The following PDGFRL variants were observed in gnomAD, a reference collection of about 807,000 sequenced individuals.
PDGFRL encodes platelet-derived growth factor receptor-like protein.
PDGFRL carries 46 observed loss-of-function variants against 37.2 expected under a neutral mutation model. The observed-to-expected ratio is 1.24, with a 90% CI of 0.98 to 1.58. PDGFRL has a LOEUF of 1.58. PDGFRL is among the 40% of genes most tolerant of loss of function. The pLI is 0.00. For synonymous variants in PDGFRL, 251 were observed against 184.3 expected (o/e 1.36, Z -2.93); for missense variants, 692 against 467.6 (o/e 1.48, Z -4.43).
In PDGFRL at chr8:17,642,253, T is replaced by C. The variant is rs113690158; in HGVS notation, c.940-360T>C. The stretch of plus-strand genomic sequence containing the variant: ...GAACCACTTAGCTAGGAAAAGAAAG[T>C]GGGCAATGTGAAGAACGGGGCCAGT... On this transcript the variant is annotated intron_variant, in intron 5 of 5. Coordinates refer to ENST00000251630, the MANE Select transcript of PDGFRL (RefSeq NM_001372073.1). Among the ~76,000 whole-genome samples the C allele has an allele frequency of 4.8e-3, 734 of 152,292 alleles. 8 individuals carry two copies. The highest frequency in any genetic ancestry group is 0.016 in the African/African-American group (684 of 41,566).
chr8:17,635,439 G>C (rs1350962758), intron 5 of PDGFRL, among the ~76,000 whole-genome samples: 1 of 152,098 alleles, frequency 6.6e-6, no homozygotes, highest in East Asian at 1.9e-4. Context: ...CTCCATCCAG[G>C]TTGCTGCAAA....
chr8:17,577,270 G>C lies in PDGFRL; in HGVS notation c.18G>C (p.Leu6=). 1 of 1,612,992 alleles carries C rather than the reference G, an allele frequency of 6.2e-7. No homozygotes were observed. Among genetic ancestry groups the C allele is most frequent in the African/African-American group, 1.3e-5 (1 of 74,938 alleles). Residue 6 remains leucine, a synonymous_variant, in exon 1 of 6, where the codon CTG becomes CTC. Transcript: ENST00000251630. Reference sequence around the variant, plus strand: ...TTCCCGAGATGAAGGTCTGGCTGCTGCTTGGTCTTCTGCTGGTGCACGAAG... The same window carrying C: ...TTCCCGAGATGAAGGTCTGGCTGCTCCTTGGTCTTCTGCTGGTGCACGAAG... The part of the protein sequence containing the change: MKVWL[L]LGLLLVHEAL...
rs569876020 is a variant in PDGFRL at position 17,637,359 on chromosome 8, A to C, written c.939+3146A>C. On this transcript the variant is annotated intron_variant, in intron 5 of 5. Coordinates refer to ENST00000251630, the MANE Select transcript of PDGFRL (RefSeq NM_001372073.1). The stretch of plus-strand genomic sequence containing the variant: ...GATGATCATGTGATTTTTTGTTTTT[A>C]ATTCTATGTGGTGTATCCCATTAAT... 1.4e-3 allele frequency among the ~76,000 whole-genome samples: 217 copies of C among 152,226 alleles called. 2 individuals are homozygous for C. Among genetic ancestry groups the C allele is most frequent in the South Asian group, 0.012 (60 of 4,824 alleles).
intron 2 of PDGFRL, among the ~76,000 whole-genome samples, chr8:17,610,524 A>G (rs1180423785): frequency 4.6e-5 from 7 of 152,202 alleles, no homozygotes; most frequent in Non-Finnish European, 1.5e-5. Context: ...GGTTCCAAGC[A>G]TTTTGGATAA....
At chr8:17,610,026 G>C (rs1214127825) in intron 2 of PDGFRL, among the ~76,000 whole-genome samples, 1 of 152,170 alleles carries the variant, frequency 6.6e-6, no homozygotes, top group African/African-American at 2.4e-5. Flanking sequence ...GGTGCAAATG[G>C]GTCCAGGCCC....
intron 3 of PDGFRL, among the ~76,000 whole-genome samples, chr8:17,627,402 A>T (rs1345325475): frequency 1.3e-5 from 2 of 152,146 alleles, no homozygotes; most frequent in African/African-American, 2.4e-5. Flanking sequence ...TTCAGGGGAC[A>T]TATGTAATCT....
intron 2 of PDGFRL, among the ~76,000 whole-genome samples, chr8:17,603,425 C>T (rs900695094): frequency 3.3e-5 from 5 of 152,122 alleles, no homozygotes; most frequent in South Asian, 2.1e-4. Flanking sequence ...TTGATCCCTT[C>T]GAGGCTAATA....
chr8:17,637,211 T>C (rs1018416639), intron 5 of PDGFRL, among the ~76,000 whole-genome samples: 1 of 152,230 alleles, frequency 6.6e-6, no homozygotes, highest in Non-Finnish European at 1.5e-5. Context: ...TTTCAACTTT[T>C]TCCCATTCAG....
Position 17,589,490 on chromosome 8 carries a change from G to A in PDGFRL, c.78G>A (p.Lys26=), listed in dbSNP as rs1250108172. ...CAGTTACTGGCCAACACCTTCCCAA[G>A]AACAAGCGTCCAAAAGAACCAGGAG... ...LEDVTGQHLP[K]NKRPKEPGEN... is the part of the protein sequence containing the mutation. Residue 26 remains lysine, a synonymous_variant, in exon 2 of 6, where the codon AAG becomes AAA. Transcript: ENST00000251630. The A allele has an allele frequency of 6.2e-7, 1 of 1,613,420 alleles. No homozygotes were observed. The highest frequency in any genetic ancestry group is 1.1e-5 in the South Asian group (1 of 91,064).
At chr8:17,592,789 A>C (rs1012579964) in intron 2 of PDGFRL, among the ~76,000 whole-genome samples, 1 of 151,966 alleles carries the variant, frequency 6.6e-6, no homozygotes, top group African/African-American at 2.4e-5. Flanking sequence ...GAAAACTACT[A>C]TTATTTTCTT....
At chr8:17,613,664 G>T (rs1167915653) in intron 2 of PDGFRL, among the ~76,000 whole-genome samples, 1 of 152,166 alleles carries the variant, frequency 6.6e-6, no homozygotes, top group African/African-American at 2.4e-5. Context: ...GATTGCTCAA[G>T]CTCAGGAGTT....
chr8:17,624,388 G>T (rs2129780247), intron 3 of PDGFRL, among the ~76,000 whole-genome samples: 1 of 152,292 alleles, frequency 6.6e-6, no homozygotes, highest in African/African-American at 2.4e-5. Context: ...GATCCAGGAG[G>T]ATCTTGGAAG....
chr8:17,582,921 C>G (rs60471463), intron 1 of PDGFRL, among the ~76,000 whole-genome samples: 1 of 152,122 alleles, frequency 6.6e-6, no homozygotes, highest in Non-Finnish European at 1.5e-5. Flanking sequence ...TGCACCACCT[C>G]GGGATGCTAC....
At chr8:17,615,998 C>G (rs749415785) in intron 2 of PDGFRL, among the ~76,000 whole-genome samples, 8 of 152,126 alleles carry the variant, frequency 5.3e-5, no homozygotes, top group African/African-American at 1.9e-4. Context: ...GGCAGCGTGC[C>G]TGCACTCAAC....
chr8:17,596,456 A>G (rs1804054828), intron 2 of PDGFRL: 1 of 452,518 alleles, frequency 2.2e-6, no homozygotes, highest in Non-Finnish European at 3.6e-6. Flanking sequence ...CAGAATTGAT[A>G]TAATTTAAAT....
At chr8:17,593,597 A>C (rs1233130513) in intron 2 of PDGFRL, among the ~76,000 whole-genome samples, 5 of 134,536 alleles carry the variant, frequency 3.7e-5, no homozygotes, top group African/African-American at 1.4e-4. Context: ...AGACTGTTTC[A>C]AAAAAAAAAA....
At chr8:17,595,308 T>A (rs1327867792) in intron 2 of PDGFRL, among the ~76,000 whole-genome samples, 1 of 152,082 alleles carries the variant, frequency 6.6e-6, no homozygotes, top group African/African-American at 2.4e-5. Flanking sequence ...CCTTTCCAAG[T>A]TCCACTTGAG....
chr8:17,632,375 C>G (rs936652863), intron 4 of PDGFRL, among the ~76,000 whole-genome samples: 1 of 151,022 alleles, frequency 6.6e-6, no homozygotes, highest in Non-Finnish European at 1.5e-5. Context: ...AGTCTTGGCT[C>G]TGTTGCCCAG....
Position 17,621,335 on chromosome 8 carries a change from A to C in PDGFRL, c.505+133A>C, listed in dbSNP as rs572831716. 7 of 538,834 alleles carry C rather than the reference A, an allele frequency of 1.3e-5. No homozygotes were observed. The East Asian group carries it at 1.6e-4, about 12-fold the overall frequency. 33.4% of individuals were successfully genotyped at this position (538,834 alleles called of 1,614,324 possible). A position where few individuals can be genotyped will look rare whatever the true frequency, so the allele number is the denominator to read the frequency against. The stretch of plus-strand genomic sequence containing the variant: ...TTCCTGTTTGCCAGGCTCTGGGCTA[A>C]ATGCTTTACATCAGTTATTTCATGT... On this transcript the variant is annotated intron_variant, in intron 3 of 5. Transcript: ENST00000251630.
Sources: allele counts gnomAD v4.1 joint callset (sites outside exome capture counted in the v4.1 genomes callset), GRCh38; gene constraint gnomAD v4.1.1; transcripts MANE v1.5; gene names NCBI Gene and HGNC (gene_info 2026-07-23, HGNC 2026-07-21).